ANKRD29: variants seen among roughly 807,000 people sequenced by gnomAD.
ANKRD29 encodes ankyrin repeat domain 29, also known as ankyrin repeat domain-containing protein 29.
In ANKRD29, 32 loss-of-function variants were observed where a neutral mutation model predicts 38.0. The observed-to-expected ratio is 0.84, with a 90% CI of 0.64 to 1.13. ANKRD29 has a LOEUF of 1.13. Ranked by LOEUF, ANKRD29 falls within the 50% of genes most tolerant of loss-of-function variation. The probability of loss-of-function intolerance (pLI) is 0.00; values close to 1 mark genes in which losing one functional copy is unlikely to be tolerated. For synonymous variants in ANKRD29, 135 were observed against 152.4 expected (o/e 0.89, Z 0.84); for missense variants, 357 against 377.9 (o/e 0.94, Z 0.46).
Position 23,631,437 on chromosome 18 carries a change from G to T in ANKRD29, c.430-1486C>A, listed in dbSNP as rs751410577. ...TTAAAAAAATTTATAGTAGAGACAG[G>T]GTCTTGCTATGTTGCCCAGGCTGGT... On this transcript the variant is annotated intron_variant, in intron 5 of 9. Transcript: ENST00000592179. Among the ~76,000 whole-genome samples the T allele has an allele frequency of 6.0e-4, 91 of 151,786 alleles. 1 individual carries two copies. The highest frequency in any genetic ancestry group is 1.9e-3 in the South Asian group (9 of 4,784).
intron 9 of ANKRD29, among the ~76,000 whole-genome samples, chr18:23,611,736 G>A (rs553433657): frequency 6.6e-6 from 1 of 152,006 alleles, no homozygotes; most frequent in African/African-American, 2.4e-5. Flanking sequence ...CACAACGCAC[G>A]TCCATGGGGA....
intron 6 of ANKRD29, among the ~76,000 whole-genome samples, chr18:23,626,362 C>A (rs1013220388): frequency 2.6e-5 from 4 of 152,156 alleles, no homozygotes; most frequent in African/African-American, 7.2e-5. Context: ...CAGGATCAGA[C>A]CTTTGCATTC....
intron 9 of ANKRD29, among the ~76,000 whole-genome samples, chr18:23,603,528 G>A (rs966357604): frequency 1.3e-5 from 2 of 152,200 alleles, no homozygotes; most frequent in Non-Finnish European, 2.9e-5. Context: ...AGCTACTCAG[G>A]AGGCTGAGGC....
intron 9 of ANKRD29, among the ~76,000 whole-genome samples, chr18:23,605,066 G>A (rs1280864059): frequency 3.3e-5 from 5 of 151,450 alleles, no homozygotes; most frequent in Non-Finnish European, 5.9e-5. Context: ...GATTACAGGC[G>A]CCCACCACTG....
At chr18:23,658,613 C>T (rs1024538451) in intron 1 of ANKRD29, among the ~76,000 whole-genome samples, 8 of 152,154 alleles carry the variant, frequency 5.3e-5, no homozygotes, top group Non-Finnish European at 1.2e-4. Context: ...GCACGCAAGA[C>T]AGACATGCCA....
chr18:23,646,445 A>G, intron 2 of ANKRD29, 158 bp from the exon 3 acceptor site: 1 of 522,828 alleles, frequency 1.9e-6, no homozygotes, highest in Non-Finnish European at 3.3e-6. Context: ...CTCATCATGC[A>G]GCCTAGATGG....
chr18:23,661,170 T>A (rs1291726917), intron 1 of ANKRD29, among the ~76,000 whole-genome samples: 1 of 152,198 alleles, frequency 6.6e-6, no homozygotes, highest in African/African-American at 2.4e-5. Context: ...GTCCTCTTAT[T>A]TTCCACCTTT....
chr18:23,636,154 G>C (rs1208934169), intron 4 of ANKRD29, among the ~76,000 whole-genome samples: 1 of 152,170 alleles, frequency 6.6e-6, no homozygotes, highest in African/African-American at 2.4e-5. Flanking sequence ...ATGTATGTAT[G>C]TATGTCAGGG....
At chr18:23,639,791 C>T (rs1443106648) in intron 3 of ANKRD29, among the ~76,000 whole-genome samples, 1 of 152,200 alleles carries the variant, frequency 6.6e-6, no homozygotes, top group African/African-American at 2.4e-5. Flanking sequence ...CCACCTTGGC[C>T]TCCCAAAGTG....
chr18:23,628,833 CAAAA>C (rs60035025), intron 6 of ANKRD29, among the ~76,000 whole-genome samples: 6,453 of 128,998 alleles, frequency 0.05, 385 homozygotes, highest in Admixed American at 0.19. Context: ...GACGCTGTCT[CAAAA>C]AAAAAAAAAA....
chr18:23,631,877 C>T (rs1006969592), intron 5 of ANKRD29, among the ~76,000 whole-genome samples: 2 of 152,324 alleles, frequency 1.3e-5, no homozygotes, highest in East Asian at 3.9e-4. Flanking sequence ...TTCAGCCTGA[C>T]AACATTCGCA....
chr18:23,649,958 G>A (rs1218363289), intron 1 of ANKRD29, among the ~76,000 whole-genome samples: 2 of 152,128 alleles, frequency 1.3e-5, no homozygotes, highest in Non-Finnish European at 2.9e-5. Context: ...TTGTACTCTT[G>A]ACCTCGTGAT....
chr18:23,636,950 A>G (rs1022944759), intron 4 of ANKRD29, among the ~76,000 whole-genome samples: 2 of 152,214 alleles, frequency 1.3e-5, no homozygotes, highest in Admixed American at 1.3e-4. Flanking sequence ...TTGATGACAG[A>G]ATCATTTAAA....
intron 1 of ANKRD29, among the ~76,000 whole-genome samples, chr18:23,650,838 G>C (rs961948241): frequency 1.5e-4 from 23 of 152,120 alleles, no homozygotes; most frequent in African/African-American, 5.6e-4. Flanking sequence ...AGAATCAATA[G>C]GCAAAATTAA....
At chr18:23,603,651 A>C (rs1467489469) in intron 9 of ANKRD29, among the ~76,000 whole-genome samples, 1 of 152,152 alleles carries the variant, frequency 6.6e-6, no homozygotes, top group African/African-American at 2.4e-5. Flanking sequence ...AAACAAACAA[A>C]AAAACTGATC....
chr18:23,627,553 T>C (rs2059877345), intron 6 of ANKRD29, among the ~76,000 whole-genome samples: 4 of 152,186 alleles, frequency 2.6e-5, no homozygotes. Flanking sequence ...ACGGCATGAC[T>C]CATTTTAGGT....
chr18:23,644,448 T>C (rs1417214126), intron 3 of ANKRD29, among the ~76,000 whole-genome samples: 1 of 152,252 alleles, frequency 6.6e-6, no homozygotes, highest in Non-Finnish European at 1.5e-5. Context: ...TGGGTCCAGA[T>C]ATTTTCATCC....
intron 1 of ANKRD29, among the ~76,000 whole-genome samples, chr18:23,661,474 G>C (rs996491684): frequency 6.6e-6 from 1 of 152,238 alleles, no homozygotes. Flanking sequence ...GGGAGGCCAA[G>C]GAGGGTGGAT....
chr18:23,629,905 T>C lies in ANKRD29; in HGVS notation c.476A>G (p.Asp159Gly). The C allele has an allele frequency of 1.2e-6, 2 of 1,614,132 alleles. No homozygotes were observed. Among genetic ancestry groups the C allele is most frequent in the Non-Finnish European group, 1.7e-6 (2 of 1,180,016 alleles). Residue 159 changes from aspartate to glycine, a missense_variant, in exon 6 of 10, where the codon GAT becomes GGT. Asp to Gly is a moderately conservative substitution (Grantham distance 94). Transcript: ENST00000592179. ...LFLAAQGGYLDVIRLLLASGA... is the reference protein window; with the variant it reads ...LFLAAQGGYLGVIRLLLASGA... Reference sequence around the variant, plus strand: ...TGAAGCCAGCAGTAATCGAATAACATCCAAGTAACCACCTTGGGCAGCTAG... The same window carrying C: ...TGAAGCCAGCAGTAATCGAATAACACCCAAGTAACCACCTTGGGCAGCTAG...
Sources: allele counts gnomAD v4.1 joint callset (sites outside exome capture counted in the v4.1 genomes callset), GRCh38; gene constraint gnomAD v4.1.1; transcripts MANE v1.5; gene names NCBI Gene and HGNC (gene_info 2026-07-23, HGNC 2026-07-21).